The following ADAMTS18 variants were observed in gnomAD, a reference collection of about 807,000 sequenced individuals.
The protein encoded by ADAMTS18 is A disintegrin and metalloproteinase with thrombospondin motifs 18.
Under a neutral mutation model 165.9 loss-of-function variants are expected in ADAMTS18, and 157 were observed. That is an observed-to-expected ratio of 0.95 (90% CI 0.83 to 1.08). The LOEUF (loss-of-function observed/expected upper bound fraction) is 1.08. Among genes scored for constraint, ADAMTS18 ranks in the 50% least tolerant of loss-of-function variants. The probability of loss-of-function intolerance (pLI) is 0.00; values close to 1 mark genes in which losing one functional copy is unlikely to be tolerated. For synonymous variants in ADAMTS18, 782 were observed against 578.2 expected, an observed-to-expected ratio of 1.35 and a Z score of -5.06; for missense variants, 2,040 against 1,534.0, an observed-to-expected ratio of 1.33 and a Z score of -5.51.
chr16:77,405,232 TGG>T (rs1343834605), intron 3 of ADAMTS18, among the ~76,000 whole-genome samples: 1 of 152,188 alleles, frequency 6.6e-6, no homozygotes, highest in Non-Finnish European at 1.5e-5. Context: ...AGGGAGCTCA[TGG>T]TCAACTGCAT....
chr16:77,415,159 G>C (rs1001750598), intron 3 of ADAMTS18, among the ~76,000 whole-genome samples: 1 of 152,242 alleles, frequency 6.6e-6, no homozygotes, highest in African/African-American at 2.4e-5. Context: ...GTTGATTCAT[G>C]AAGTGTGTAG....
Position 77,364,266 on chromosome 16 carries a change from G to A in ADAMTS18, c.894C>T (p.Leu298=), listed in dbSNP as rs748153604. Residue 298 remains leucine (L), a synonymous_variant, in exon 5 of 23, where the codon CTC becomes CTT. Transcript: ENST00000282849. ...KSQKGLNVET[L]VVADKKMVEK... Reference sequence around the variant, plus strand: ...CCACCATTTTCTTGTCTGCCACCACGAGGGTTTCCACATTGAGGCCCTTTT... The same window carrying A: ...CCACCATTTTCTTGTCTGCCACCACAAGGGTTTCCACATTGAGGCCCTTTT... 2.3e-5 allele frequency: 37 copies of A among 1,613,872 alleles called. 1 individual carries two copies. In the South Asian group the frequency reaches 3.0e-4, roughly 13 times the overall value.
chr16:77,400,456 C>G (rs10153099), intron 3 of ADAMTS18, among the ~76,000 whole-genome samples: 11,445 of 110,562 alleles, frequency 0.1, 646 homozygotes, highest in African/African-American at 0.16. Flanking sequence ...GTGTGTGTGT[C>G]TGTGTGTGTG....
At chr16:77,421,157 G>T (rs745347592) in intron 3 of ADAMTS18, among the ~76,000 whole-genome samples, 1 of 152,180 alleles carries the variant, frequency 6.6e-6, no homozygotes, top group Non-Finnish European at 1.5e-5. Context: ...CCCAAGCTCA[G>T]CAGCATGAAA....
At chr16:77,372,230 T>C (rs2056886664) in intron 3 of ADAMTS18, among the ~76,000 whole-genome samples, 1 of 152,204 alleles carries the variant, frequency 6.6e-6, no homozygotes, top group Non-Finnish European at 1.5e-5. Context: ...AAATTAAATA[T>C]AGTTCTACCA....
In ADAMTS18 at chr16:77,362,088, A is replaced by G. The variant is rs186497160; in HGVS notation, c.1216+17T>C. The G allele has an allele frequency of 9.9e-6, 16 of 1,613,856 alleles. No individual in the cohort carries two copies. The East Asian group carries it at 3.1e-4, about 31-fold the overall frequency. Reference sequence around the variant, plus strand: ...TTCAGCTAACAGGTGTGTGTGAAGGATCTGTTCATACCATACCTAGAGTGT... The same window carrying G: ...TTCAGCTAACAGGTGTGTGTGAAGGGTCTGTTCATACCATACCTAGAGTGT... On this transcript the variant is annotated intron_variant, in intron 7 of 22. Transcript: ENST00000282849.
intron 12 of ADAMTS18, among the ~76,000 whole-genome samples, chr16:77,328,722 G>C (rs2056136908): frequency 6.6e-6 from 1 of 152,180 alleles, no homozygotes; most frequent in Non-Finnish European, 1.5e-5. Flanking sequence ...GACTTTCTGT[G>C]ATTTAACGAA....
intron 11 of ADAMTS18, among the ~76,000 whole-genome samples, chr16:77,337,789 A>T (rs2056332565): frequency 6.6e-6 from 1 of 152,214 alleles, no homozygotes; most frequent in South Asian, 2.1e-4. Context: ...GAAATCAGGA[A>T]TATAAAGGAA....
At chr16:77,416,000 G>T (rs952235113) in intron 3 of ADAMTS18, among the ~76,000 whole-genome samples, 1 of 152,256 alleles carries the variant, frequency 6.6e-6, no homozygotes, top group African/African-American at 2.4e-5. Context: ...AGCCCTCATG[G>T]AGCTGATATT....
chr16:77,355,859 A>G, intron 9 of ADAMTS18, 81 bp downstream of exon 9: 2 of 1,524,826 alleles, frequency 1.3e-6, no homozygotes, highest in Non-Finnish European at 1.8e-6. Flanking sequence ...ATTTCCACTG[A>G]GTATTCGTTT....
At chr16:77,303,437 A>T (rs1477318520) in intron 16 of ADAMTS18, among the ~76,000 whole-genome samples, 2 of 152,154 alleles carry the variant, frequency 1.3e-5, no homozygotes, top group Non-Finnish European at 1.5e-5. Context: ...ATACCCTTCC[A>T]GTTGTTTAGG....
Position 77,310,555 on chromosome 16 carries a change from G to A in ADAMTS18, c.2532+9294C>T, listed in dbSNP as rs112408545. On this transcript the variant is annotated intron_variant, in intron 16 of 22. Coordinates refer to ENST00000282849, the MANE Select transcript of ADAMTS18 (RefSeq NM_199355.4). ...TGCTTCCCAAAAGAATGGAATCCACGTACCAATGCTTGTTTTTTACATTAT... is the reference window on the plus strand; with the variant it reads ...TGCTTCCCAAAAGAATGGAATCCACATACCAATGCTTGTTTTTTACATTAT... Among the ~76,000 whole-genome samples, 573 of 152,220 alleles carry A rather than the reference G, an allele frequency of 3.8e-3. 1 individual carries two copies. The highest frequency in any genetic ancestry group is 6.7e-3 in the Non-Finnish European group (453 of 68,016).
At chr16:77,325,364 T>C (rs913226662) in intron 13 of ADAMTS18, among the ~76,000 whole-genome samples, 13 of 152,220 alleles carry the variant, frequency 8.5e-5, no homozygotes, top group South Asian at 2.1e-4. Context: ...ACTTTAAGTA[T>C]AGTAAGTACC....
At chr16:77,352,683 G>A (rs2056572644) in intron 10 of ADAMTS18, among the ~76,000 whole-genome samples, 1 of 151,910 alleles carries the variant, frequency 6.6e-6, no homozygotes, top group Non-Finnish European at 1.5e-5. Flanking sequence ...AGAAAGAGGA[G>A]GAAGAAGAGG....
At chr16:77,301,109 C>CA (rs2055574237) in intron 16 of ADAMTS18, among the ~76,000 whole-genome samples, 1 of 152,072 alleles carries the variant, frequency 6.6e-6, no homozygotes, top group South Asian at 2.1e-4. Context: ...ACTTAACCTC[C>CA]AAAAAGGCAA....
chr16:77,383,843 A>C (rs562564714), intron 3 of ADAMTS18, among the ~76,000 whole-genome samples: 2 of 152,096 alleles, frequency 1.3e-5, no homozygotes, highest in Non-Finnish European at 2.9e-5. Flanking sequence ...GCCTGGCCCA[A>C]AAAGCTGACT....
At chr16:77,349,389 G>A (rs1172637584) in intron 10 of ADAMTS18, among the ~76,000 whole-genome samples, 2 of 151,788 alleles carry the variant, frequency 1.3e-5, no homozygotes, top group East Asian at 3.9e-4. Flanking sequence ...ATCTTTACAG[G>A]TGCAGTCACC....
intron 20 of ADAMTS18, among the ~76,000 whole-genome samples, chr16:77,291,845 G>A (rs1255269561): frequency 6.6e-6 from 1 of 152,196 alleles, no homozygotes; most frequent in Non-Finnish European, 1.5e-5. Context: ...GTCTACCTAA[G>A]GCCTGAGGAG....
intron 5 of ADAMTS18, 56 bp from the exon 6 acceptor site, chr16:77,363,941 A>T: frequency 6.6e-7 from 1 of 1,519,424 alleles, no homozygotes; most frequent in Non-Finnish European, 9.1e-7. Context: ...CCTTAGGGGG[A>T]ATCAATCAGA....
Sources: gnomAD v4.1 joint callset for allele counts (sites outside exome capture counted in the v4.1 genomes callset) on GRCh38, gnomAD v4.1.1 for gene constraint, MANE v1.5 for transcripts, NCBI Gene and HGNC (gene_info 2026-07-23, HGNC 2026-07-21) for gene names.